WWOX: variants seen among roughly 807,000 people sequenced by gnomAD.
WWOX encodes the protein WW domain containing oxidoreductase.
WWOX carries 69 observed loss-of-function variants against 46.2 expected under a neutral mutation model. The observed-to-expected ratio is 1.49, with a 90% CI of 1.23 to 1.82. WWOX has a LOEUF of 1.82. Ranked by LOEUF, WWOX falls within the 40% of genes most tolerant of loss-of-function variation. The pLI, the probability that WWOX is intolerant of heterozygous loss-of-function variation, is 0.00. For synonymous variants in WWOX, 359 were observed against 202.6 expected, an observed-to-expected ratio of 1.77 and a Z score of -6.56; for missense variants, 919 against 542.6, an observed-to-expected ratio of 1.69 and a Z score of -6.89.
intron 8 of WWOX, among the ~76,000 whole-genome samples, chr16:78,630,184 G>A (rs1391324772): frequency 6.6e-6 from 1 of 152,192 alleles, no homozygotes; most frequent in Non-Finnish European, 1.5e-5. Flanking sequence ...TGATGATTGT[G>A]TATTCCTCAT....
chr16:78,513,582 G>A (rs896082010), intron 8 of WWOX, among the ~76,000 whole-genome samples: 2 of 152,160 alleles, frequency 1.3e-5, no homozygotes, highest in East Asian at 3.9e-4. Context: ...AATGATCCAG[G>A]GGAAATAGTA....
chr16:78,720,276 T>C (rs1181357846), intron 8 of WWOX, among the ~76,000 whole-genome samples: 1 of 148,972 alleles, frequency 6.7e-6, no homozygotes, highest in African/African-American at 2.6e-5. Flanking sequence ...AACAAGGGAA[T>C]CTTAATCATC....
intron 6 of WWOX, among the ~76,000 whole-genome samples, chr16:78,387,496 C>T: frequency 6.6e-6 from 1 of 151,732 alleles, no homozygotes; most frequent in East Asian, 1.9e-4. Context: ...TGGAGAAAGC[C>T]TTAGTTAGGG....
chr16:78,099,890 GGGGGCCGCAGT>G lies in WWOX; in HGVS notation c.107+14_107+24del. On this transcript the variant is annotated splice_donor_region_variant and intron_variant, in intron 1 of 8. Coordinates refer to ENST00000566780, the MANE Select transcript of WWOX (RefSeq NM_016373.4). ...CGGCTGGGTTTACTACGCCAAGTAA[GGGGGCCGCAGT>G]GGGGCCGCGGACGCACCTGGGACCC... 6.4e-7 allele frequency: 1 copy of G among 1,559,056 alleles called. No individual in the cohort carries two copies. Among genetic ancestry groups the G allele is most frequent in the Non-Finnish European group, 8.7e-7 (1 of 1,152,416 alleles).
Position 78,953,753 on chromosome 16 carries a change from G to C in WWOX, c.1057-257855G>C, listed in dbSNP as rs188501331. On this transcript the variant is annotated intron_variant, in intron 8 of 8. Coordinates refer to ENST00000566780, the MANE Select transcript of WWOX (RefSeq NM_016373.4). Reference sequence around the variant, plus strand: ...CTGGAATGCCTGCTCTCATCACCTGGTTTCAAAGTCGAGCCAGACGTTCTG... The same window carrying C: ...CTGGAATGCCTGCTCTCATCACCTGCTTTCAAAGTCGAGCCAGACGTTCTG... 4.6e-5 allele frequency among the ~76,000 whole-genome samples: 7 copies of C among 152,234 alleles called. No homozygotes were observed. In the East Asian group the frequency reaches 9.7e-4, roughly 21 times the overall value.
intron 8 of WWOX, among the ~76,000 whole-genome samples, chr16:78,746,939 C>T (rs1169050356): frequency 6.6e-6 from 1 of 152,112 alleles, no homozygotes; most frequent in African/African-American, 2.4e-5. Flanking sequence ...TCCCTAGTGG[C>T]TTCCTATACC....
chr16:78,295,005 T>G (rs1345772430), intron 5 of WWOX, among the ~76,000 whole-genome samples: 1 of 152,164 alleles, frequency 6.6e-6, no homozygotes, highest in African/African-American at 2.4e-5. Flanking sequence ...TAGGCCATGC[T>G]CAGAAGTCTG....
At chr16:78,943,756 C>T (rs1220312832) in intron 8 of WWOX, among the ~76,000 whole-genome samples, 2 of 152,154 alleles carry the variant, frequency 1.3e-5, no homozygotes, top group African/African-American at 4.8e-5. Flanking sequence ...AAGCTTCCTG[C>T]AACTCCTTCT....
At chr16:78,733,935 C>G (rs545807885) in intron 8 of WWOX, among the ~76,000 whole-genome samples, 1 of 151,918 alleles carries the variant, frequency 6.6e-6, no homozygotes, top group African/African-American at 2.4e-5. Flanking sequence ...AGAGGCACAC[C>G]TGTGGTCCCA....
chr16:78,151,043 A>AT (rs10629101), intron 4 of WWOX, among the ~76,000 whole-genome samples: 19,601 of 140,810 alleles, frequency 0.14, 1,483 homozygotes, highest in Admixed American at 0.2. Context: ...GTGCTCCACA[A>AT]TTTTTTTTTT....
chr16:78,432,681 T>G lies in WWOX; in HGVS notation c.985T>G (p.Ser329Ala). Reference sequence around the variant, plus strand: ...AGTGCATCCTGGAAATATGATGTACTCCAACATTCATCGCAGCTGGTGGGT... The same window carrying G: ...AGTGCATCCTGGAAATATGATGTACGCCAACATTCATCGCAGCTGGTGGGT... ...NAVHPGNMMY[S>A]NIHRSWWVYT... The change falls in exon 8 of 9, where the codon TCC becomes GCC. Residue 329 changes from serine to alanine, a missense_variant. Physicochemically the swap from Ser to Ala is moderately conservative, Grantham distance 99. Transcript: ENST00000566780. 1.2e-6 allele frequency: 2 copies of G among 1,614,190 alleles called. No individual in the cohort carries two copies. The highest frequency in any genetic ancestry group is 1.7e-6 in the Non-Finnish European group (2 of 1,180,044).
At chr16:78,374,315 G>C (rs959322266) in intron 5 of WWOX, among the ~76,000 whole-genome samples, 6 of 151,922 alleles carry the variant, frequency 3.9e-5, no homozygotes, top group Admixed American at 3.9e-4. Context: ...AATCAACAAA[G>C]CCAGACCATG....
intron 8 of WWOX, among the ~76,000 whole-genome samples, chr16:78,520,617 G>C (rs1427736248): frequency 6.6e-6 from 1 of 152,052 alleles, no homozygotes; most frequent in African/African-American, 2.4e-5. Flanking sequence ...CTCTAGACTG[G>C]GAGTGGGGTG....
chr16:78,621,396 C>G (rs572253834), intron 8 of WWOX, among the ~76,000 whole-genome samples: 3 of 151,982 alleles, frequency 2.0e-5, no homozygotes, highest in Non-Finnish European at 4.4e-5. Context: ...ATCCTCACCC[C>G]TTTCACCTCT....
chr16:78,832,444 T>C (rs2051856855), intron 8 of WWOX, among the ~76,000 whole-genome samples: 1 of 152,138 alleles, frequency 6.6e-6, no homozygotes. Flanking sequence ...GTAAAGACCA[T>C]AGTTAGGAGA....
chr16:78,989,080 C>G (rs1437023693), intron 8 of WWOX, among the ~76,000 whole-genome samples: 4 of 152,112 alleles, frequency 2.6e-5, no homozygotes, highest in Non-Finnish European at 5.9e-5. Flanking sequence ...AGCTTTGGGA[C>G]TAACAATGAT....
chr16:78,323,547 A>G (rs1004559887), intron 5 of WWOX, among the ~76,000 whole-genome samples: 2 of 152,118 alleles, frequency 1.3e-5, no homozygotes, highest in African/African-American at 4.8e-5. Flanking sequence ...CTGGGTTTGA[A>G]CATGCCATGC....
At chr16:79,019,577 A>T (rs527480338) in intron 8 of WWOX, among the ~76,000 whole-genome samples, 3 of 152,200 alleles carry the variant, frequency 2.0e-5, no homozygotes, top group Non-Finnish European at 2.9e-5. Context: ...TTTAGGGGAA[A>T]AAACAAAAGC....
At chr16:78,246,911 T>G (rs1311911586) in intron 5 of WWOX, among the ~76,000 whole-genome samples, 1 of 152,108 alleles carries the variant, frequency 6.6e-6, no homozygotes, top group Admixed American at 6.6e-5. Context: ...AGAGTGATTT[T>G]CGGAGCCACA....
Sources: allele counts gnomAD v4.1 joint callset (sites outside exome capture counted in the v4.1 genomes callset), GRCh38; gene constraint gnomAD v4.1.1; transcripts MANE v1.5; gene names NCBI Gene and HGNC (gene_info 2026-07-23, HGNC 2026-07-21).